PRKAR1B: variants seen among roughly 807,000 people sequenced by gnomAD.
The protein encoded by PRKAR1B is protein kinase cAMP-dependent type I regulatory subunit beta.
A neutral mutation model predicts 46.5 loss-of-function variants in PRKAR1B; 22 were observed. The observed-to-expected ratio is 0.47, with a 90% CI of 0.34 to 0.68. The LOEUF is 0.68. PRKAR1B is among the 30% of genes least tolerant of loss of function. The probability of loss-of-function intolerance (pLI) is 0.01; values close to 1 mark genes in which losing one functional copy is unlikely to be tolerated. For missense variants in PRKAR1B, 445 were observed against 535.6 expected, an observed-to-expected ratio of 0.83 and a Z score of 1.67; for synonymous variants, 259 against 217.7, an observed-to-expected ratio of 1.19 and a Z score of -1.67.
chr7:711,075 C>T (rs559383158), intron 2 of PRKAR1B, among the ~76,000 whole-genome samples: 1 of 152,320 alleles, frequency 6.6e-6, no homozygotes, highest in East Asian at 1.9e-4. Context: ...CTGGAACCCC[C>T]TGGAAGCCGA....
chr7:727,372 A>G (rs1330885990), upstream of PRKAR1B: 17 of 708,464 alleles, frequency 2.4e-5, no homozygotes, highest in East Asian at 1.5e-3. Context: ...CCCCACCTCC[A>G]CCTCCGCGGC....
intron 1 of PRKAR1B, among the ~76,000 whole-genome samples, chr7:722,682 ACT>A (rs1442192259): frequency 1.3e-5 from 2 of 152,176 alleles, no homozygotes; most frequent in Non-Finnish European, 2.9e-5. Context: ...GGTTCTTATG[ACT>A]CTGCTTTAAA....
At chr7:586,441 G>GCT (rs1418994128) in intron 7 of PRKAR1B, among the ~76,000 whole-genome samples, 1 of 152,244 alleles carries the variant, frequency 6.6e-6, no homozygotes, top group Non-Finnish European at 1.5e-5. Flanking sequence ...CTCCTGCCCT[G>GCT]CTCTCTCCTG....
chr7:722,814 G>A (rs915185182), intron 1 of PRKAR1B, among the ~76,000 whole-genome samples: 2 of 152,180 alleles, frequency 1.3e-5, no homozygotes, highest in Admixed American at 6.5e-5. Flanking sequence ...GATGTATCCT[G>A]GACATTTGGG....
intron 7 of PRKAR1B, among the ~76,000 whole-genome samples, chr7:590,403 C>G (rs1032290072): frequency 6.6e-6 from 1 of 152,210 alleles, no homozygotes; most frequent in Non-Finnish European, 1.5e-5. Flanking sequence ...CCTGGCGGCA[C>G]TGACCTTGCC....
chr7:651,152 C>A (rs1420414398), intron 4 of PRKAR1B, among the ~76,000 whole-genome samples: 1 of 152,234 alleles, frequency 6.6e-6, no homozygotes, highest in Non-Finnish European at 1.5e-5. Flanking sequence ...CTGTCTCTGC[C>A]TCCTACAGGC....
chr7:625,744 T>C (rs1327246834), intron 4 of PRKAR1B, among the ~76,000 whole-genome samples: 1 of 152,198 alleles, frequency 6.6e-6, no homozygotes, highest in Non-Finnish European at 1.5e-5. Context: ...CGGTGGCTCA[T>C]GCCTGTAATC....
intron 2 of PRKAR1B, among the ~76,000 whole-genome samples, chr7:689,075 A>G (rs1275036496): frequency 1.3e-5 from 2 of 152,222 alleles, no homozygotes; most frequent in Non-Finnish European, 2.9e-5. Context: ...TGAGGAAATA[A>G]AAGACAAAAT....
chr7:645,209 C>T (rs887165896), intron 4 of PRKAR1B, among the ~76,000 whole-genome samples: 3 of 152,178 alleles, frequency 2.0e-5, no homozygotes, highest in African/African-American at 7.2e-5. Flanking sequence ...CACCCAAGTC[C>T]GGTCCTCTCC....
At chr7:654,932 G>A (rs1785116971) in intron 4 of PRKAR1B, among the ~76,000 whole-genome samples, 1 of 152,132 alleles carries the variant, frequency 6.6e-6, no homozygotes, top group Admixed American at 6.6e-5. Context: ...ACCAAGAGAG[G>A]AGCCCAGCAC....
intron 9 of PRKAR1B, among the ~76,000 whole-genome samples, chr7:552,637 T>G (rs1482008873): frequency 6.9e-6 from 1 of 144,126 alleles, no homozygotes; most frequent in Non-Finnish European, 1.6e-5. Flanking sequence ...CCAGCTCCCA[T>G]TTTTGTTCAG....
At chr7:724,260 C>G (rs142699168) in intron 1 of PRKAR1B, among the ~76,000 whole-genome samples, 270 of 152,282 alleles carry the variant, frequency 1.8e-3, no homozygotes, top group African/African-American at 6.3e-3. Flanking sequence ...TGTGTCCCCA[C>G]CCAAATCTCA....
chr7:715,717 TTTTA>T (rs1780847934), intron 1 of PRKAR1B, among the ~76,000 whole-genome samples: 1 of 151,732 alleles, frequency 6.6e-6, no homozygotes, highest in Non-Finnish European at 1.5e-5. Flanking sequence ...AAGAGCCACA[TTTTA>T]TTTTTTTTTT....
chr7:709,674 G>A lies in PRKAR1B; in HGVS notation c.177+1655C>T, dbSNP rs568738459. On this transcript the variant is annotated intron_variant, in intron 2 of 10. Coordinates refer to ENST00000537384, the MANE Select transcript of PRKAR1B (RefSeq NM_001164760.2). Reference sequence around the variant, plus strand: ...CGTGAGCCACTGCACCCAGCCGTGTGTATGTATTTCTGAGACAGGGTTTCG... The same window carrying A: ...CGTGAGCCACTGCACCCAGCCGTGTATATGTATTTCTGAGACAGGGTTTCG... Among the ~76,000 whole-genome samples, 61 of 152,018 alleles carry A rather than the reference G, an allele frequency of 4.0e-4. No homozygotes were observed. In the South Asian group the frequency reaches 6.0e-3, roughly 15 times the overall value.
chr7:634,882 C>T (rs757701412), intron 4 of PRKAR1B, among the ~76,000 whole-genome samples: 2 of 152,044 alleles, frequency 1.3e-5, no homozygotes, highest in African/African-American at 2.4e-5. Context: ...TCAAGCGATC[C>T]GCCCACCTCA....
intron 3 of PRKAR1B, among the ~76,000 whole-genome samples, chr7:679,236 A>G (rs936645735): frequency 1.3e-5 from 2 of 152,270 alleles, no homozygotes; most frequent in East Asian, 1.9e-4. Context: ...CCATGTCGAT[A>G]CATGACAGAC....
chr7:611,435 C>G (rs1782486097), intron 4 of PRKAR1B, among the ~76,000 whole-genome samples: 1 of 152,226 alleles, frequency 6.6e-6, no homozygotes, highest in Admixed American at 6.5e-5. Flanking sequence ...AGGACAGTTT[C>G]CAGGAAACGG....
intron 2 of PRKAR1B, among the ~76,000 whole-genome samples, chr7:704,838 T>C (rs1429121192): frequency 6.6e-6 from 1 of 152,082 alleles, no homozygotes; most frequent in Non-Finnish European, 1.5e-5. Context: ...ATCTGACAGT[T>C]TATAAAAAAT....
At chr7:671,392 A>C (rs1203475829) in intron 4 of PRKAR1B, among the ~76,000 whole-genome samples, 3 of 152,238 alleles carry the variant, frequency 2.0e-5, no homozygotes, top group Admixed American at 2.0e-4. Context: ...AGTTCCAAGA[A>C]GCACCAGAAC....
Sources: gnomAD v4.1 joint callset for allele counts (sites outside exome capture counted in the v4.1 genomes callset) on GRCh38, gnomAD v4.1.1 for gene constraint, MANE v1.5 for transcripts, NCBI Gene and HGNC (gene_info 2026-07-23, HGNC 2026-07-21) for gene names.